Variants in AMBN observed in about 807,000 individuals in gnomAD.
The protein encoded by AMBN is enamel matrix protein.
In AMBN, 54 loss-of-function variants were observed where a neutral mutation model predicts 48.0. The ratio of observed to expected loss-of-function variants is 1.12; its 90% CI spans 0.90 to 1.41. The LOEUF (loss-of-function observed/expected upper bound fraction) is 1.41. AMBN is among the 40% of genes most tolerant of loss of function. The pLI, the probability that AMBN is intolerant of heterozygous loss-of-function variation, is 0.00. For missense variants in AMBN, 571 were observed against 547.3 expected (o/e 1.04, Z -0.43); for synonymous variants, 186 against 190.0 (o/e 0.98, Z 0.17).
rs1403058292 is a variant in AMBN, at chr4:70,599,512, G to A, written c.184-24G>A. ...ATATTTAACATTTAAATATAAGCAT[G>A]TCTTTTTTTATCCATGTCTTTAGTA... is the stretch of plus-strand genomic sequence containing the variant. On this transcript the variant is annotated intron_variant, in intron 4 of 12. Coordinates refer to ENST00000322937, the MANE Select transcript of AMBN (RefSeq NM_016519.6). 14 of 1,489,764 alleles carry A rather than the reference G, an allele frequency of 9.4e-6. No individual in the cohort carries two copies. In the Admixed American group the frequency reaches 2.5e-4, roughly 26 times the overall value. 92.3% of individuals were successfully genotyped at this position (1,489,764 alleles called of 1,614,324 possible).
chr4:70,596,290 A>AG (rs1183155345), intron 2 of AMBN, among the ~76,000 whole-genome samples: 1 of 152,066 alleles, frequency 6.6e-6, no homozygotes, highest in Admixed American at 6.5e-5. Flanking sequence ...AAAAAAAAAA[A>AG]AAAAAGGAAA....
chr4:70,598,399 C>A lies in AMBN; in HGVS notation c.179C>A (p.Ser60Tyr). ...LGSLQRLNTL[S>Y]QYSRYGFGKS... ...AGTCTGCAGAGATTAAACACACTTT[C>A]TCAGGTAATCATATTTCTTATTGCA... The change falls in exon 4 of 13, where the codon TCT (serine) becomes TAT (tyrosine). Residue 60 changes from serine (S) to tyrosine (Y), a missense_variant. Coordinates refer to ENST00000322937, the MANE Select transcript of AMBN (RefSeq NM_016519.6). 1 of 1,586,328 alleles carries A rather than the reference C, an allele frequency of 6.3e-7. No homozygotes were observed. The highest frequency in any genetic ancestry group is 1.2e-5 in the South Asian group (1 of 86,008).
chr4:70,597,887 A>G (rs185626073), intron 3 of AMBN, among the ~76,000 whole-genome samples: 2 of 152,296 alleles, frequency 1.3e-5, no homozygotes, highest in East Asian at 3.9e-4. Context: ...ATTTCTTTCA[A>G]TAGTTTTTAT....
chr4:70,595,878 A>G (rs1204089211), intron 2 of AMBN, among the ~76,000 whole-genome samples: 3 of 152,206 alleles, frequency 2.0e-5, no homozygotes, highest in Non-Finnish European at 4.4e-5. Flanking sequence ...GGAAAAGGCT[A>G]GGCATGGTGG....
intron 2 of AMBN, among the ~76,000 whole-genome samples, chr4:70,594,719 A>G (rs1015064878): frequency 6.6e-6 from 1 of 152,218 alleles, no homozygotes; most frequent in African/African-American, 2.4e-5. Context: ...TTACCTTTAT[A>G]TGATACTGAC....
In AMBN at chr4:70,592,356, T is replaced by A; in HGVS notation, c.-3T>A. 6.2e-7 allele frequency: 1 copy of A among 1,614,138 alleles called. No homozygotes were observed. Among genetic ancestry groups the A allele is most frequent in the Non-Finnish European group, 8.5e-7 (1 of 1,179,970 alleles). ...GCATCATCAGGCCCTGAGAGCACAG[T>A]GCATGTCAGCATCTAAGGTAAAATG... On this transcript the variant is annotated 5_prime_UTR_variant, in exon 1 of 13. Transcript: ENST00000322937.
In AMBN at chr4:70,606,667, G is replaced by T. The variant is rs1215180057; in HGVS notation, c.1281G>T (p.Met427Ile). The T allele has an allele frequency of 1.2e-6, 2 of 1,613,910 alleles. No homozygotes were observed. The highest frequency in any genetic ancestry group is 1.1e-5 in the South Asian group (1 of 91,074). ...CCCCAAACTCTCTGCAAACATCCAT[G>T]CCAGGAAACAAAGCCCAGGAGCCCG... ...TMAPNSLQTS[M>I]PGNKAQEPEM... Residue 427 changes from methionine (M) to isoleucine (I), a missense_variant, in exon 13 of 13, where the codon ATG becomes ATT. Physicochemically the swap from Met to Ile is conservative, Grantham distance 10. Coordinates refer to ENST00000322937, the MANE Select transcript of AMBN (RefSeq NM_016519.6).
chr4:70,595,937 C>T (rs1313545554), intron 2 of AMBN, among the ~76,000 whole-genome samples: 1 of 152,186 alleles, frequency 6.6e-6, no homozygotes, highest in Non-Finnish European at 1.5e-5. Flanking sequence ...AGGAGGATTA[C>T]TTGAGCTCAG....
chr4:70,602,953 A>G lies in AMBN; in HGVS notation c.610-19A>G. The G allele has an allele frequency of 6.3e-7, 1 of 1,588,828 alleles. No individual in the cohort carries two copies. Among genetic ancestry groups the G allele is most frequent in the Non-Finnish European group, 8.6e-7 (1 of 1,167,052 alleles). ...GTTCCTTTTTTGACTGATAATTTTAATATTTATCTGTAATATAGCTCCCAG... is the reference window on the plus strand; with the variant it reads ...GTTCCTTTTTTGACTGATAATTTTAGTATTTATCTGTAATATAGCTCCCAG... On this transcript the variant is annotated intron_variant, in intron 8 of 12. Transcript: ENST00000322937.
intron 5 of AMBN, 99 bp from the exon 6 acceptor site, chr4:70,601,319 C>T (rs1737516027): frequency 8.4e-7 from 1 of 1,195,346 alleles, no homozygotes; most frequent in South Asian, 1.4e-5. Flanking sequence ...AGCCTCCCTT[C>T]CAGATAGAAA....
At chr4:70,603,726 T>A in intron 11 of AMBN, 151 bp from the exon 12 acceptor site, 2 of 833,812 alleles carry the variant, frequency 2.4e-6, no homozygotes. Flanking sequence ...GTTGACTACA[T>A]TTATTCCATA....
chr4:70,606,747 G>C lies in AMBN; in HGVS notation c.*17G>C, dbSNP rs958613412. On this transcript the variant is annotated 3_prime_UTR_variant, in exon 13 of 13. Coordinates refer to ENST00000322937, the MANE Select transcript of AMBN (RefSeq NM_016519.6). ...GAGCCCTGACAGCTCTAAGATATTA[G>C]CTACTTTCTGTATGCACAAGCTTCC... The C allele has an allele frequency of 1.9e-6, 3 of 1,590,540 alleles. No individual in the cohort carries two copies. Among genetic ancestry groups the C allele is most frequent in the Non-Finnish European group, 2.6e-6 (3 of 1,167,786 alleles).
intron 2 of AMBN, among the ~76,000 whole-genome samples, chr4:70,594,561 T>C (rs1366525404): frequency 2.0e-5 from 3 of 152,144 alleles, no homozygotes. Flanking sequence ...CTTCTTAAAG[T>C]GTTTTAGAGA....
intron 1 of AMBN, among the ~76,000 whole-genome samples, chr4:70,593,116 G>T (rs1270050328): frequency 2.0e-5 from 3 of 152,062 alleles, no homozygotes; most frequent in Non-Finnish European, 4.4e-5. Flanking sequence ...AACGTGCTTA[G>T]ATATTTTTTA....
chr4:70,594,973 C>T (rs1737356861), intron 2 of AMBN, among the ~76,000 whole-genome samples: 8 of 152,116 alleles, frequency 5.3e-5, no homozygotes, highest in Admixed American at 5.2e-4. Context: ...AGATGGAAAG[C>T]AAAGTACACT....
At chr4:70,597,758 T>C (rs1737419889) in intron 3 of AMBN, among the ~76,000 whole-genome samples, 1 of 152,200 alleles carries the variant, frequency 6.6e-6, no homozygotes, top group South Asian at 2.1e-4. Flanking sequence ...TGAGGGTTTT[T>C]TTCTCACTTT....
intron 3 of AMBN, 88 bp downstream of exon 3, chr4:70,597,137 T>C (rs1737403421): frequency 8.0e-7 from 1 of 1,245,640 alleles, no homozygotes; most frequent in Non-Finnish European, 1.1e-6. Flanking sequence ...TTCTCAGTTT[T>C]CCTAGCCAGA....
Position 70,592,259 on chromosome 4 carries a change from A to G in AMBN, c.-100A>G, listed in dbSNP as rs1737289603. 1 of 1,145,504 alleles carries G rather than the reference A, an allele frequency of 8.7e-7. No individual in the cohort carries two copies. Among genetic ancestry groups the G allele is most frequent in the Non-Finnish European group, 1.3e-6 (1 of 789,316 alleles). 71.0% of individuals were successfully genotyped at this position (1,145,504 alleles called of 1,614,324 possible). ...AGGTTTCTAATCTTCCCTGAATGAG[A>G]AGTACAGAGCAAGTCCCACGCACAG... On this transcript the variant is annotated 5_prime_UTR_variant, in exon 1 of 13. Transcript: ENST00000322937.
At chr4:70,601,344 T>C in intron 5 of AMBN, 74 bp from the exon 6 acceptor site, 1 of 1,497,802 alleles carries the variant, frequency 6.7e-7, no homozygotes, top group East Asian at 2.3e-5. Flanking sequence ...CCCAAGCCCC[T>C]TTGTTTAGAA....
Sources: gnomAD v4.1 joint callset for allele counts (sites outside exome capture counted in the v4.1 genomes callset) on GRCh38, gnomAD v4.1.1 for gene constraint, MANE v1.5 for transcripts, NCBI Gene and HGNC (gene_info 2026-07-23, HGNC 2026-07-21) for gene names.